ANXA8L1: variants seen among roughly 807,000 people sequenced by gnomAD.
ANXA8L1 encodes annexin A8 like 1, also known as annexin A8-like protein 1.
ANXA8L1 carries 10 observed loss-of-function variants against 22.5 expected under a neutral mutation model. That is an observed-to-expected ratio of 0.44 (90% CI 0.27 to 0.75). ANXA8L1 has a LOEUF of 0.75. Among genes scored for constraint, ANXA8L1 ranks in the 30% least tolerant of loss-of-function variants. The pLI, the probability that ANXA8L1 is intolerant of heterozygous loss-of-function variation, is 0.15. For synonymous variants in ANXA8L1, 36 were observed against 86.0 expected (o/e 0.42, Z 3.22); for missense variants, 88 against 219.6 (o/e 0.40, Z 3.79).
Position 46,384,774 on chromosome 10 carries a change from G to T in ANXA8L1, c.493G>T (p.Gly165Cys). ...ACAGAGCCACCTCCTCTGTTCCTAG[G>T]GCAGCAGGGATGATGTGAGCAGCTT... ...LERILVCLLQ[G>C]SRDDVSSFVD... The change falls in exon 7 of 12, where the codon GGC (glycine) becomes TGC (cysteine). Residue 165 changes from glycine to cysteine, a missense_variant and splice_region_variant. Gly to Cys is a radical substitution (Grantham distance 159). Transcript: ENST00000619162. The T allele has an allele frequency of 6.2e-7, 1 of 1,613,250 alleles. No individual in the cohort carries two copies. Among genetic ancestry groups the T allele is most frequent in the Non-Finnish European group, 8.5e-7 (1 of 1,179,846 alleles).
chr10:46,385,612 G>T (rs1413671072), intron 8 of ANXA8L1, 100 bp from the exon 9 acceptor site: 15 of 407,346 alleles, frequency 3.7e-5, no homozygotes, highest in Admixed American at 2.0e-4. Context: ...GCCACCAGTG[G>T]GAGGTCAGGG....
intron 1 of ANXA8L1, among the ~76,000 whole-genome samples, chr10:46,378,937 G>C (rs1342486016): frequency 7.9e-6 from 1 of 127,130 alleles, no homozygotes. Context: ...TGGATGGGTG[G>C]GTGGATGGAT....
chr10:46,377,843 C>T (rs1839947584), intron 1 of ANXA8L1, among the ~76,000 whole-genome samples: 1 of 121,644 alleles, frequency 8.2e-6, no homozygotes, highest in Non-Finnish European at 1.7e-5. Context: ...CTGTGCCTGT[C>T]ACAGAACAAG....
chr10:46,389,431 CAG>C (rs1156958206), intron 11 of ANXA8L1, among the ~76,000 whole-genome samples: 2 of 144,548 alleles, frequency 1.4e-5, no homozygotes, highest in East Asian at 4.0e-4. Flanking sequence ...CTTACGGCAT[CAG>C]AGAGATTTCT....
At chr10:46,383,157 G>A (rs1445528182) in intron 4 of ANXA8L1, among the ~76,000 whole-genome samples, 3 of 97,940 alleles carry the variant, frequency 3.1e-5, no homozygotes, top group African/African-American at 4.4e-5. Context: ...TTTGGCGCAG[G>A]GGAGGCTTCT....
At chr10:46,381,414 T>C in intron 3 of ANXA8L1, 174 bp downstream of exon 3, 7 of 801,146 alleles carry the variant, frequency 8.7e-6, no homozygotes, top group Non-Finnish European at 1.3e-5. Flanking sequence ...CAAATGTAAC[T>C]GGCTGCCCTG....
chr10:46,385,851 C>T, intron 9 of ANXA8L1, 44 bp downstream of exon 9: 1 of 246,220 alleles, frequency 4.1e-6, no homozygotes, highest in East Asian at 3.7e-5. Flanking sequence ...CAGGGCTCAC[C>T]GTGGGGCAGC....
chr10:46,390,129 A>C (rs1442777770), intron 11 of ANXA8L1, among the ~76,000 whole-genome samples: 2 of 150,032 alleles, frequency 1.3e-5, no homozygotes, highest in Non-Finnish European at 3.0e-5. Context: ...GGGTGATCTG[A>C]CCTGGCCCAT....
At chr10:46,381,446 T>C in intron 3 of ANXA8L1, 1 of 437,510 alleles carries the variant, frequency 2.3e-6, no homozygotes, top group Non-Finnish European at 4.1e-6. Context: ...GCAGATCTAC[T>C]TTTAGGTGTC....
In ANXA8L1 at chr10:46,377,020, AGGTTCT is replaced by A. The variant is rs1360186324; in HGVS notation, c.21+1151_21+1156del. 1.0e-3 allele frequency among the ~76,000 whole-genome samples: 106 copies of A among 104,202 alleles called. 3 individuals are homozygous for A. The South Asian group carries it at 0.031, about 30-fold the overall frequency. 68.4% of individuals were successfully genotyped at this position (104,202 alleles called of 152,430 possible). ...AAGTGTCCTCAGGGTCAGACATGCT[AGGTTCT>A]GGACAGGTGGGACAAAGAGGAAGCC... On this transcript the variant is annotated intron_variant, in intron 1 of 11. Transcript: ENST00000619162.
Position 46,384,846 on chromosome 10 carries a change from C to A in ANXA8L1, c.552+13C>A. The stretch of plus-strand genomic sequence containing the variant: ...CCAAGACGCACAGGTGAGGCTGCGC[C>A]CAGCCGGCCATGTGGCCCCACCCCC... On this transcript the variant is annotated intron_variant, in intron 7 of 11. Transcript: ENST00000619162. 1 of 1,612,614 alleles carries A rather than the reference C, an allele frequency of 6.2e-7. No homozygotes were observed. Among genetic ancestry groups the A allele is most frequent in the Admixed American group, 1.7e-5 (1 of 59,922 alleles).
chr10:46,381,336 G>C lies in ANXA8L1; in HGVS notation c.207+96G>C. ...CCATTCTGGACGACTTTCCCCTAGA[G>C]CCAGCCCACTGGTAGCATGGGCACA... On this transcript the variant is annotated intron_variant, in intron 3 of 11. Transcript: ENST00000619162. 2 of 903,342 alleles carry C rather than the reference G, an allele frequency of 2.2e-6. 1 individual carries two copies. Among genetic ancestry groups the C allele is most frequent in the Non-Finnish European group, 3.1e-6 (2 of 639,888 alleles). 56.0% of individuals were successfully genotyped at this position (903,342 alleles called of 1,614,324 possible). A position where few individuals can be genotyped will look rare whatever the true frequency, so the allele number is the denominator to read the frequency against.
rs1181860381 is a variant in ANXA8L1 at position 46,384,724 on chromosome 10, A to G, written c.493-50A>G. On this transcript the variant is annotated intron_variant, in intron 6 of 11. Coordinates refer to ENST00000619162, the MANE Select transcript of ANXA8L1 (RefSeq NM_001098845.3). ...GCCCAGGATCCCCCCTGTGCCCTTA[A>G]TGCTCTGGTCAGCTGGCCTGCCTTA... The G allele has an allele frequency of 1.9e-6, 3 of 1,612,364 alleles. 1 individual carries two copies. In the African/African-American group the frequency reaches 4.1e-5, roughly 22 times the overall value.
intron 1 of ANXA8L1, among the ~76,000 whole-genome samples, chr10:46,378,242 C>T (rs1347647488): frequency 4.3e-5 from 6 of 140,556 alleles, no homozygotes; most frequent in Non-Finnish European, 9.2e-5. Context: ...AGAGGGAAGC[C>T]GGCAGGCACT....
At position 46,383,468 on chromosome 10, in the gene ANXA8L1, A is replaced by G; in HGVS notation, c.334A>G (p.Lys112Glu). The G allele has an allele frequency of 1.2e-6, 1 of 800,694 alleles. No individual in the cohort carries two copies. The highest frequency in any genetic ancestry group is 1.8e-6 in the Non-Finnish European group (1 of 540,792). The allele number at this position is 800,694 out of a possible 1,614,324, so 49.6% of individuals were successfully genotyped here. ...TTTCTGTCCACAGGGCTTAGGAACC[A>G]AGGAGGGTGTCATCATTGAGATCCT... ...LHDAMKGLGT[K>E]EGVIIEILAS... is the part of the protein sequence containing the mutation. Residue 112 changes from lysine to glutamate, a missense_variant, in exon 5 of 12, where the codon AAG becomes GAG. Physicochemically the swap from Lys to Glu is moderately conservative, Grantham distance 56. Transcript: ENST00000619162.
rs1283975413 is a variant in ANXA8L1, at chr10:46,375,784, G to A, written c.-68G>A. On this transcript the variant is annotated 5_prime_UTR_variant, in exon 1 of 12. Transcript: ENST00000619162. The stretch of plus-strand genomic sequence containing the variant: ...CCTCAGCTGCAGGAGCCAGACGTGT[G>A]GAGTCCCAGCAGAGGCCAACCTGTG... 3,042 of 1,607,918 alleles carry A rather than the reference G, an allele frequency of 1.9e-3. 17 individuals are homozygous for A. The highest frequency in any genetic ancestry group is 3.8e-3 in the Middle Eastern group (17 of 4,422).
Position 46,383,560 on chromosome 10 carries a change from C to T in ANXA8L1, c.412+14C>T. 1.5e-6 allele frequency: 1 copy of T among 651,474 alleles called. No individual in the cohort carries two copies. 40.4% of individuals were successfully genotyped at this position (651,474 alleles called of 1,614,324 possible). On this transcript the variant is annotated intron_variant, in intron 5 of 11. Transcript: ENST00000619162. ...CGTATGAGGAAGGTAAGGGGTGGCA[C>T]AGATGGAGGGGCTCAGGAGTGGCCA...
chr10:46,391,012 G>C lies in ANXA8L1; in HGVS notation c.*82G>C. On this transcript the variant is annotated 3_prime_UTR_variant, in exon 12 of 12. Coordinates refer to ENST00000619162, the MANE Select transcript of ANXA8L1 (RefSeq NM_001098845.3). ...CAACCTCGGCCATGGACGCAGGTTG[G>C]GTGTGAGGGGGGTCCCAGCCTTTCG... 9.4e-7 allele frequency: 1 copy of C among 1,066,922 alleles called. No homozygotes were observed. The highest frequency in any genetic ancestry group is 1.4e-5 in the South Asian group (1 of 69,240). The allele number at this position is 1,066,922 out of a possible 1,614,324, so 66.1% of individuals were successfully genotyped here. A position where few individuals can be genotyped will look rare whatever the true frequency, so the allele number is the denominator to read the frequency against.
chr10:46,384,457 G>T (rs1328611686), intron 6 of ANXA8L1, among the ~76,000 whole-genome samples, 172 bp downstream of exon 6: 2 of 90,790 alleles, frequency 2.2e-5, no homozygotes, highest in Non-Finnish European at 4.5e-5. Flanking sequence ...CAACTGCAGA[G>T]CCCCCACACT....
Sources: allele counts gnomAD v4.1 joint callset (sites outside exome capture counted in the v4.1 genomes callset), GRCh38; gene constraint gnomAD v4.1.1; transcripts MANE v1.5; gene names NCBI Gene and HGNC (gene_info 2026-07-23, HGNC 2026-07-21).